The following ANKRD11 variants were observed in gnomAD, a reference collection of about 807,000 sequenced individuals.
The protein encoded by ANKRD11 is ankyrin repeat domain 11.
Under a neutral mutation model 195.7 loss-of-function variants are expected in ANKRD11, and 17 were observed. The observed-to-expected ratio is 0.09, with a 90% CI of 0.06 to 0.13. ANKRD11 has a LOEUF of 0.13. Ranked by LOEUF, ANKRD11 falls within the 10% of genes least tolerant of loss-of-function variation. The probability of loss-of-function intolerance (pLI) is 1.00; values close to 1 mark genes in which losing one functional copy is unlikely to be tolerated. For missense variants in ANKRD11, 3,735 were observed against 3,566.1 expected (o/e 1.05, Z -1.21); for synonymous variants, 1,953 against 1,528.1 (o/e 1.28, Z -6.49).
At chr16:89,463,517 A>G (rs1202557478) in intron 1 of ANKRD11, among the ~76,000 whole-genome samples, 1 of 152,200 alleles carries the variant, frequency 6.6e-6, no homozygotes, top group African/African-American at 2.4e-5. Flanking sequence ...TCAAGTACCC[A>G]GGGACACAAA....
chr16:89,462,015 T>C (rs542162344), intron 1 of ANKRD11, among the ~76,000 whole-genome samples: 2 of 151,540 alleles, frequency 1.3e-5, no homozygotes, highest in South Asian at 4.2e-4. Context: ...AAAAAAAGCG[T>C]CACGCTCCCT....
chr16:89,271,215 C>A, intron 11 of ANKRD11: 1 of 465,030 alleles, frequency 2.2e-6, no homozygotes, highest in Non-Finnish European at 4.0e-6. Context: ...AGAGCTCAGC[C>A]CACTGCCAAC....
intron 1 of ANKRD11, among the ~76,000 whole-genome samples, chr16:89,448,750 C>CGAGACG (rs2043921354): frequency 1.3e-5 from 2 of 152,126 alleles, no homozygotes; most frequent in Admixed American, 1.3e-4. Flanking sequence ...AAGTCCAAGA[C>CGAGACG]GAGACGGTGC....
intron 2 of ANKRD11, among the ~76,000 whole-genome samples, chr16:89,389,584 G>GT (rs2041079836): frequency 6.6e-6 from 1 of 152,210 alleles, no homozygotes; most frequent in African/African-American, 2.4e-5. Context: ...AGATGACGCT[G>GT]TGTGAGACGA....
At chr16:89,451,410 A>T (rs945022086) in intron 1 of ANKRD11, among the ~76,000 whole-genome samples, 56 of 86,464 alleles carry the variant, frequency 6.5e-4, no homozygotes, top group Middle Eastern at 7.9e-3. Flanking sequence ...TTCACAAATT[A>T]CTTTTTTTTT....
Position 89,283,426 on chromosome 16 carries a change from T to C in ANKRD11, c.3116A>G (p.Glu1039Gly). The C allele has an allele frequency of 6.2e-7, 1 of 1,614,206 alleles. No homozygotes were observed. The highest frequency in any genetic ancestry group is 1.1e-5 in the South Asian group (1 of 91,092). The change falls in exon 9 of 13, where the codon GAG becomes GGG. Residue 1039 changes from glutamate to glycine, a missense_variant. Transcript: ENST00000301030. The surrounding 1 kb of genome is among the most constrained non-coding windows in gnomAD (Gnocchi z 4.3). ...CTGACATTTTTCCAGGATTGATTTC[T>C]CACTTTTGTCCTTGTCACTGGATTT... ...KEKSSDKDKS[E>G]KSILEKCQKD...
chr16:89,327,114 A>G (rs113833004), intron 2 of ANKRD11, among the ~76,000 whole-genome samples: 1,363 of 79,644 alleles, frequency 0.017, 21 homozygotes, highest in African/African-American at 0.062. Flanking sequence ...CAGAGGTTGG[A>G]AATGCAGAGG....
chr16:89,469,627 G>A (rs1280237551), intron 1 of ANKRD11, among the ~76,000 whole-genome samples: 5 of 151,654 alleles, frequency 3.3e-5, no homozygotes, highest in South Asian at 4.2e-4. Flanking sequence ...GGCCAGGCGC[G>A]GTGGCTCACA....
intron 1 of ANKRD11, among the ~76,000 whole-genome samples, chr16:89,442,817 T>C (rs2043582877): frequency 6.6e-6 from 1 of 152,182 alleles, no homozygotes; most frequent in Non-Finnish European, 1.5e-5. Flanking sequence ...CATCACGGCC[T>C]GGTGAGCCTC....
At chr16:89,464,815 A>C (rs575690903) in intron 1 of ANKRD11, among the ~76,000 whole-genome samples, 1 of 152,268 alleles carries the variant, frequency 6.6e-6, no homozygotes, top group South Asian at 2.1e-4. Context: ...GCAGAGATCA[A>C]ACTCTACAGA....
At chr16:89,444,982 C>T (rs1460260018) in intron 1 of ANKRD11, among the ~76,000 whole-genome samples, 1 of 152,168 alleles carries the variant, frequency 6.6e-6, no homozygotes, top group Non-Finnish European at 1.5e-5. Flanking sequence ...CAGTGGCACA[C>T]TGCCACCCTT....
At chr16:89,437,493 A>C (rs2043264287) in intron 1 of ANKRD11, among the ~76,000 whole-genome samples, 1 of 151,546 alleles carries the variant, frequency 6.6e-6, no homozygotes, top group Non-Finnish European at 1.5e-5. Flanking sequence ...CCACTCTCTC[A>C]CTGAGCAGCC....
rs578198369 is a variant in ANKRD11, at chr16:89,282,307, A to G, written c.4235T>C (p.Ile1412Thr). ...YGVSYNMKAD[I>T]EDELDKTIEL... is the part of the protein sequence containing the mutation. ...AATGGTTTTATCTAGCTCATCTTCT[A>G]TGTCAGCTTTCATGTTGTAAGAAAC... Residue 1412 changes from isoleucine to threonine, a missense_variant, in exon 9 of 13, where the codon ATA (isoleucine) becomes ACA (threonine). Coordinates refer to ENST00000301030, the MANE Select transcript of ANKRD11 (RefSeq NM_013275.6). 448 of 1,614,104 alleles carry G rather than the reference A, an allele frequency of 2.8e-4. 1 individual carries two copies. Among genetic ancestry groups the G allele is most frequent in the Non-Finnish European group, 3.5e-4 (413 of 1,180,024 alleles).
intron 11 of ANKRD11, among the ~76,000 whole-genome samples, chr16:89,273,558 A>T (rs1421321133): frequency 6.6e-6 from 1 of 152,076 alleles, no homozygotes; most frequent in Non-Finnish European, 1.5e-5. Flanking sequence ...TCAGCCGGGC[A>T]TGGTAGCGCA....
intron 1 of ANKRD11, among the ~76,000 whole-genome samples, chr16:89,439,386 C>T (rs2043349775): frequency 1.3e-5 from 2 of 152,138 alleles, no homozygotes; most frequent in Non-Finnish European, 2.9e-5. Context: ...AATGGGGTTA[C>T]CTCCCAATAA....
chr16:89,330,466 G>C (rs1020255136), intron 2 of ANKRD11, among the ~76,000 whole-genome samples: 2 of 152,092 alleles, frequency 1.3e-5, no homozygotes, highest in African/African-American at 4.8e-5. Flanking sequence ...GCACAGACAC[G>C]GCTGCGGATG....
intron 2 of ANKRD11, among the ~76,000 whole-genome samples, chr16:89,375,056 T>C (rs1027046668): frequency 6.6e-6 from 1 of 152,100 alleles, no homozygotes; most frequent in Non-Finnish European, 1.5e-5. Context: ...AGACTGTACA[T>C]GGCATCGTTC....
Position 89,290,586 on chromosome 16 carries a change from G to A in ANKRD11, c.601+39C>T, listed in dbSNP as rs775816006. Reference sequence around the variant, plus strand: ...CCACTGGGGGAGGCTCAGGGCTCCAGTGGGGCTCTCTGGCCCTTGCCAGGC... The same window carrying A: ...CCACTGGGGGAGGCTCAGGGCTCCAATGGGGCTCTCTGGCCCTTGCCAGGC... On this transcript the variant is annotated intron_variant, in intron 6 of 12. Transcript: ENST00000301030. 7 of 1,604,952 alleles carry A rather than the reference G, an allele frequency of 4.4e-6. No individual in the cohort carries two copies. The East Asian group carries it at 1.1e-4, about 26-fold the overall frequency.
At chr16:89,366,129 C>CAA (rs71387689) in intron 2 of ANKRD11, among the ~76,000 whole-genome samples, 1,375 of 59,760 alleles carry the variant, frequency 0.023, 27 homozygotes, top group African/African-American at 0.044. Flanking sequence ...GACTCCATCT[C>CAA]AAAAAAAAAA....
Sources: gnomAD v4.1 joint callset for allele counts (sites outside exome capture counted in the v4.1 genomes callset) on GRCh38, gnomAD v4.1.1 for gene constraint, Gnocchi (gnomAD v3.1) non-coding constraint, MANE v1.5 for transcripts, NCBI Gene and HGNC (gene_info 2026-07-23, HGNC 2026-07-21) for gene names.